The following IL1RAPL1 variants were observed in gnomAD, a reference collection of about 807,000 sequenced individuals.
The protein encoded by IL1RAPL1 is interleukin 1 receptor accessory protein like 1.
A neutral mutation model predicts 48.4 loss-of-function variants in IL1RAPL1; 3 were observed. That is an observed-to-expected ratio of 0.06 (90% confidence interval 0.03 to 0.16). IL1RAPL1 has a LOEUF of 0.16. Ranked by LOEUF, IL1RAPL1 falls within the 10% of genes least tolerant of loss-of-function variation. IL1RAPL1 has a pLI of 1.00. For missense variants in IL1RAPL1, 349 were observed against 530.6 expected (o/e 0.66, Z 3.36); for synonymous variants, 185 against 187.7 (o/e 0.99, Z 0.12).
intron 2 of IL1RAPL1, among the ~76,000 whole-genome samples, chrX:28,903,427 T>TC (rs1204428872): frequency 1.6e-4 from 7 of 42,884 alleles, no homozygotes; most frequent in East Asian, 7.0e-4. Flanking sequence ...TTTCTTTCTT[T>TC]TTTTTTTTTT....
intron 5 of IL1RAPL1, among the ~76,000 whole-genome samples, chrX:29,646,359 G>A (rs894191532): frequency 9.0e-6 from 1 of 111,406 alleles, no homozygotes; most frequent in Non-Finnish European, 1.9e-5. Flanking sequence ...TCAAGAAGAA[G>A]AATCTGTCAC....
At chrX:29,500,260 C>T (rs1298148647) in intron 5 of IL1RAPL1, among the ~76,000 whole-genome samples, 2 of 112,144 alleles carry the variant, frequency 1.8e-5, no homozygotes, top group Non-Finnish European at 1.9e-5. Context: ...GGATTACAGG[C>T]GTGAGCCATC....
At chrX:29,113,374 T>C (rs1006042517) in intron 2 of IL1RAPL1, among the ~76,000 whole-genome samples, 7 of 111,781 alleles carry the variant, frequency 6.3e-5, no homozygotes, top group Non-Finnish European at 1.1e-4. Flanking sequence ...CCCTCCTCTT[T>C]ATTGATCTTC....
chrX:28,837,341 C>T, intron 2 of IL1RAPL1, among the ~76,000 whole-genome samples: 1 of 110,899 alleles, frequency 9.0e-6, no homozygotes, highest in Non-Finnish European at 1.9e-5. Context: ...GGCTGACACT[C>T]CTCATTTTTG....
chrX:28,677,720 G>A (rs1057178113), intron 1 of IL1RAPL1, among the ~76,000 whole-genome samples: 1 of 110,382 alleles, frequency 9.1e-6, no homozygotes, highest in Admixed American at 9.6e-5. Context: ...CCTGAATAGC[G>A]GGGATTACAG....
At chrX:29,745,060 A>G (rs978430199) in intron 6 of IL1RAPL1, among the ~76,000 whole-genome samples, 4 of 112,031 alleles carry the variant, frequency 3.6e-5, no homozygotes, top group African/African-American at 1.3e-4. Context: ...CATTCATATG[A>G]AGGAGACTAA....
intron 6 of IL1RAPL1, among the ~76,000 whole-genome samples, chrX:29,845,892 G>A (rs371705090): frequency 2.7e-5 from 3 of 110,307 alleles, no homozygotes; most frequent in South Asian, 7.9e-4. Context: ...GAGCAAGGGG[G>A]GAGGTGCCAC....
chrX:29,116,783 G>C (rs1357533104), intron 2 of IL1RAPL1, among the ~76,000 whole-genome samples: 1 of 111,417 alleles, frequency 9.0e-6, no homozygotes, highest in Non-Finnish European at 1.9e-5. Context: ...TCAAATAAAA[G>C]TGCTTTGTGT....
intron 6 of IL1RAPL1, among the ~76,000 whole-genome samples, chrX:29,806,672 A>G (rs961881635): frequency 1.8e-5 from 2 of 111,432 alleles, no homozygotes; most frequent in Non-Finnish European, 3.8e-5. Flanking sequence ...AAAGACTAGT[A>G]TTTAATTTTT....
intron 5 of IL1RAPL1, among the ~76,000 whole-genome samples, chrX:29,513,382 T>C (rs1385281299): frequency 8.9e-6 from 1 of 111,948 alleles, no homozygotes; most frequent in Non-Finnish European, 1.9e-5. Context: ...CCTATCATAT[T>C]ATATTATTTT....
intron 6 of IL1RAPL1, among the ~76,000 whole-genome samples, chrX:29,743,682 A>G (rs1928264286): frequency 9.0e-6 from 1 of 111,017 alleles, no homozygotes; most frequent in South Asian, 3.8e-4. Flanking sequence ...ACGGGGTTTC[A>G]CCATGTTGGC....
At chrX:29,716,883 T>G (rs1352300759) in intron 6 of IL1RAPL1, among the ~76,000 whole-genome samples, 1 of 111,271 alleles carries the variant, frequency 9.0e-6, no homozygotes, top group Non-Finnish European at 1.9e-5. Flanking sequence ...GGAACTGATT[T>G]GAATGTAAAA....
At chrX:29,673,176 A>G (rs1334607718) in intron 6 of IL1RAPL1, among the ~76,000 whole-genome samples, 1 of 112,112 alleles carries the variant, frequency 8.9e-6, no homozygotes, top group African/African-American at 3.2e-5. Context: ...TTTTCTGAAT[A>G]GTTACTACTC....
chrX:29,307,452 A>G (rs751807717), intron 3 of IL1RAPL1, among the ~76,000 whole-genome samples: 2 of 111,991 alleles, frequency 1.8e-5, no homozygotes, highest in Non-Finnish European at 3.8e-5. Flanking sequence ...ATAAATTTTA[A>G]TAAAATAAAG....
chrX:28,595,631 C>A (rs1276755638), intron 1 of IL1RAPL1, among the ~76,000 whole-genome samples: 1 of 111,797 alleles, frequency 8.9e-6, no homozygotes, highest in African/African-American at 3.3e-5. Context: ...AACCTCTCTG[C>A]CAACTTTATT....
intron 5 of IL1RAPL1, among the ~76,000 whole-genome samples, chrX:29,607,633 G>C (rs1186597043): frequency 1.8e-5 from 2 of 111,198 alleles, no homozygotes; most frequent in Non-Finnish European, 3.8e-5. Flanking sequence ...TCTTTCATGG[G>C]ACACTTCTCT....
At chrX:29,793,458 T>C (rs1929677582) in intron 6 of IL1RAPL1, among the ~76,000 whole-genome samples, 1 of 112,277 alleles carries the variant, frequency 8.9e-6, no homozygotes, top group South Asian at 3.7e-4. Context: ...TATTCTGTTT[T>C]TTAAGTAATT....
chrX:28,783,444 T>C (rs780474820), intron 1 of IL1RAPL1, among the ~76,000 whole-genome samples: 4 of 111,498 alleles, frequency 3.6e-5, no homozygotes, highest in Non-Finnish European at 5.7e-5. Flanking sequence ...ATTTGGAAGG[T>C]CAACATTCCC....
At chrX:29,716,377 T>C (rs1263218895) in intron 6 of IL1RAPL1, among the ~76,000 whole-genome samples, 1 of 111,562 alleles carries the variant, frequency 9.0e-6, no homozygotes, top group Non-Finnish European at 1.9e-5. Context: ...CTCAGTAATA[T>C]ATACTGGCTT....
Sources: allele counts gnomAD v4.1 joint callset (sites outside exome capture counted in the v4.1 genomes callset), GRCh38; gene constraint gnomAD v4.1.1; transcripts MANE v1.5; gene names NCBI Gene and HGNC (gene_info 2026-07-23, HGNC 2026-07-21).